The following COL24A1 variants were observed in gnomAD, a reference collection of about 807,000 sequenced individuals.
COL24A1 encodes the protein collagen alpha-1(XXIV) chain.
In COL24A1, 224 loss-of-function variants were observed where a neutral mutation model predicts 253.9. That is an observed-to-expected ratio of 0.88 (90% CI 0.79 to 0.99). The LOEUF (loss-of-function observed/expected upper bound fraction) is 0.99. Ranked by LOEUF, COL24A1 falls within the 50% of genes least tolerant of loss-of-function variation. The pLI, the probability that COL24A1 is intolerant of heterozygous loss-of-function variation, is 0.00. For synonymous variants in COL24A1, 685 were observed against 673.7 expected, an observed-to-expected ratio of 1.02 and a Z score of -0.26; for missense variants, 2,131 against 2,068.5, an observed-to-expected ratio of 1.03 and a Z score of -0.59.
chr1:85,953,872 A>T (rs1435424877), intron 24 of COL24A1, among the ~76,000 whole-genome samples: 1 of 152,166 alleles, frequency 6.6e-6, no homozygotes, highest in Non-Finnish European at 1.5e-5. Flanking sequence ...GGTTATTAAA[A>T]AATATTATTT....
intron 2 of COL24A1, among the ~76,000 whole-genome samples, chr1:86,140,145 T>C (rs1389974323): frequency 6.6e-6 from 1 of 152,342 alleles, no homozygotes; most frequent in South Asian, 2.1e-4. Flanking sequence ...TGTTATTTTA[T>C]CCACACGACA....
At chr1:86,091,456 C>T (rs1459537492) in intron 6 of COL24A1, among the ~76,000 whole-genome samples, 1 of 151,602 alleles carries the variant, frequency 6.6e-6, no homozygotes, top group African/African-American at 2.4e-5. Context: ...TTTGTAACCA[C>T]CAAAATTGTT....
intron 55 of COL24A1, among the ~76,000 whole-genome samples, chr1:85,757,645 T>G (rs1666405814): frequency 6.6e-6 from 1 of 152,106 alleles, no homozygotes; most frequent in African/African-American, 2.4e-5. Context: ...TTCTTGACAA[T>G]CTCCATATTC....
At chr1:85,868,897 AT>A in intron 35 of COL24A1, 62 bp from the exon 36 acceptor site, 3 of 1,198,696 alleles carry the variant, frequency 2.5e-6, no homozygotes, top group East Asian at 4.8e-5. Context: ...ATCTTATTTT[AT>A]TTTTAGCCCA....
intron 11 of COL24A1, among the ~76,000 whole-genome samples, chr1:86,049,585 A>G (rs1559121081): frequency 6.6e-6 from 1 of 152,182 alleles, no homozygotes. Flanking sequence ...AGCACTGAAA[A>G]CTAGATATGA....
intron 8 of COL24A1, among the ~76,000 whole-genome samples, chr1:86,063,085 CTT>C (rs1701212793): frequency 6.6e-6 from 1 of 151,988 alleles, no homozygotes; most frequent in African/African-American, 2.4e-5. Context: ...AGACATATGA[CTT>C]TATTTTTTTC....
intron 53 of COL24A1, among the ~76,000 whole-genome samples, chr1:85,763,644 A>G (rs930381361): frequency 9.9e-5 from 15 of 151,370 alleles, no homozygotes; most frequent in Non-Finnish European, 2.1e-4. Context: ...GGCGTGCGCC[A>G]CCACTCCTGG....
intron 19 of COL24A1, among the ~76,000 whole-genome samples, chr1:86,016,411 C>T (rs1487026721): frequency 6.6e-6 from 1 of 152,226 alleles, no homozygotes; most frequent in Non-Finnish European, 1.5e-5. Flanking sequence ...ATTATTTTCT[C>T]AGCCTTCTGC....
intron 53 of COL24A1, among the ~76,000 whole-genome samples, chr1:85,764,954 A>G (rs1667213113): frequency 6.6e-6 from 1 of 152,172 alleles, no homozygotes; most frequent in Non-Finnish European, 1.5e-5. Context: ...GTACACAAGC[A>G]TACAGATTGG....
intron 7 of COL24A1, among the ~76,000 whole-genome samples, chr1:86,071,297 T>A (rs559080273): frequency 6.6e-6 from 1 of 151,360 alleles, no homozygotes; most frequent in South Asian, 2.1e-4. Flanking sequence ...TAGATAAAAA[T>A]CACCTTCACT....
chr1:86,134,044 G>T (rs1489747246), intron 2 of COL24A1, among the ~76,000 whole-genome samples: 5 of 151,964 alleles, frequency 3.3e-5, no homozygotes, highest in African/African-American at 9.7e-5. Flanking sequence ...ATTGGTCTAT[G>T]AAGAGATTCA....
intron 43 of COL24A1, among the ~76,000 whole-genome samples, chr1:85,825,921 T>G (rs1674259463): frequency 4.9e-5 from 4 of 81,222 alleles, no homozygotes; most frequent in South Asian, 5.2e-4. Context: ...AGAAGCTCTT[T>G]AGTTTAATTA....
intron 2 of COL24A1, among the ~76,000 whole-genome samples, chr1:86,133,427 G>A (rs958152003): frequency 5.9e-5 from 9 of 152,260 alleles, no homozygotes; most frequent in East Asian, 3.9e-4. Flanking sequence ...CCTGTCTTGT[G>A]CCAGGTTTCA....
intron 4 of COL24A1, among the ~76,000 whole-genome samples, chr1:86,114,599 T>C (rs1705942705): frequency 6.6e-6 from 1 of 152,196 alleles, no homozygotes. Context: ...GAATTCATCT[T>C]AGGCCTCAAA....
intron 37 of COL24A1, among the ~76,000 whole-genome samples, chr1:85,855,135 CA>C (rs756457339): frequency 6.6e-6 from 1 of 152,128 alleles, no homozygotes; most frequent in African/African-American, 2.4e-5. Context: ...AGCCTTTGAA[CA>C]GAGACTATAG....
At chr1:85,885,395 A>ATTTTTT (rs200199982) in intron 32 of COL24A1, among the ~76,000 whole-genome samples, 1 of 120,196 alleles carries the variant, frequency 8.3e-6, no homozygotes, top group African/African-American at 3.2e-5. Flanking sequence ...ATATATATAT[A>ATTTTTT]TATTTTTTTT....
In COL24A1 at chr1:85,868,767, A is replaced by T; in HGVS notation, c.3192+15T>A. ...AAACATCTATTTTATATATAATCTTAAAAGTATAATTTACCTTTAACCCAT... is the reference window on the plus strand; with the variant it reads ...AAACATCTATTTTATATATAATCTTTAAAGTATAATTTACCTTTAACCCAT... On this transcript the variant is annotated intron_variant, in intron 36 of 59. Transcript: ENST00000370571. 1 of 1,512,180 alleles carries T rather than the reference A, an allele frequency of 6.6e-7. No individual in the cohort carries two copies. The highest frequency in any genetic ancestry group is 1.4e-5 in the African/African-American group (1 of 71,548). 93.7% of individuals were successfully genotyped at this position (1,512,180 alleles called of 1,614,324 possible).
At chr1:85,836,393 G>T (rs1222190980) in intron 43 of COL24A1, among the ~76,000 whole-genome samples, 1 of 152,168 alleles carries the variant, frequency 6.6e-6, no homozygotes, top group East Asian at 1.9e-4. Flanking sequence ...TAAATTTTAT[G>T]TTACATGTAT....
At chr1:85,740,283 A>G (rs935281283) in intron 57 of COL24A1, among the ~76,000 whole-genome samples, 6 of 152,108 alleles carry the variant, frequency 3.9e-5, no homozygotes, top group Admixed American at 2.6e-4. Context: ...TCCCTCTATC[A>G]CTAAGATAGT....
Sources: gnomAD v4.1 joint callset for allele counts (sites outside exome capture counted in the v4.1 genomes callset) on GRCh38, gnomAD v4.1.1 for gene constraint, MANE v1.5 for transcripts, NCBI Gene and HGNC (gene_info 2026-07-23, HGNC 2026-07-21) for gene names.